Variants in SH3RF3 observed in about 807,000 individuals in gnomAD.
SH3RF3 encodes the protein SH3 domain containing ring finger 3, also known as E3 ubiquitin-protein ligase SH3RF3.
In SH3RF3, 29 loss-of-function variants were observed where a neutral mutation model predicts 66.3. The ratio of observed to expected loss-of-function variants is 0.44; its 90% confidence interval spans 0.33 to 0.60. The LOEUF is 0.60. SH3RF3 is among the 20% of genes least tolerant of loss of function. SH3RF3 has a pLI of 0.04. For missense variants in SH3RF3, 1,194 were observed against 1,190.9 expected, an observed-to-expected ratio of 1.00 and a Z score of -0.04; for synonymous variants, 583 against 532.0, an observed-to-expected ratio of 1.10 and a Z score of -1.32.
rs1000837461 is a variant in SH3RF3, at chr2:109,398,961, AG to A, written c.1299+21del. The A allele has an allele frequency of 1.3e-6, 2 of 1,599,068 alleles. No homozygotes were observed. The highest frequency in any genetic ancestry group is 2.7e-5 in the African/African-American group (2 of 74,620). Reference sequence around the variant, plus strand: ...CCACCCAGGTAACATCCCGCGGGCCAGGGCAGGCATCCCTGGGTTCTCTGGG... The same window carrying A: ...CCACCCAGGTAACATCCCGCGGGCCAGGCAGGCATCCCTGGGTTCTCTGGG... On this transcript the variant is annotated intron_variant, in intron 4 of 9. Transcript: ENST00000309415.
At chr2:109,301,490 A>C (rs912022094) in intron 1 of SH3RF3, among the ~76,000 whole-genome samples, 1 of 151,946 alleles carries the variant, frequency 6.6e-6, no homozygotes, top group Non-Finnish European at 1.5e-5. Flanking sequence ...GAGGATGGAG[A>C]GGGCAGTGCC....
At chr2:109,464,975 A>C (rs1678300788) in intron 8 of SH3RF3, among the ~76,000 whole-genome samples, 1 of 152,112 alleles carries the variant, frequency 6.6e-6, no homozygotes, top group East Asian at 1.9e-4. Flanking sequence ...CCTGTTGATC[A>C]CTCTTTCACA....
At chr2:109,336,569 T>G (rs1307654491) in intron 1 of SH3RF3, among the ~76,000 whole-genome samples, 1 of 152,234 alleles carries the variant, frequency 6.6e-6, no homozygotes, top group Non-Finnish European at 1.5e-5. Context: ...GGGAGGAGGA[T>G]GATGCCAGCC....
rs780594407 is a variant in SH3RF3, at chr2:109,424,739, G to A, written c.1403+5097G>A. ...CGATAAGTGATGTGTATGTTCTGAC[G>A]GCTCCACGGACCCACCGTTTCCCCC... On this transcript the variant is annotated intron_variant, in intron 5 of 9. Coordinates refer to ENST00000309415, the MANE Select transcript of SH3RF3 (RefSeq NM_001099289.3). Among the ~76,000 whole-genome samples, 73 of 152,202 alleles carry A rather than the reference G, an allele frequency of 4.8e-4. 1 individual carries two copies. Among genetic ancestry groups the A allele is most frequent in the Non-Finnish European group, 7.8e-4 (53 of 68,024 alleles).
At chr2:109,347,610 A>G in intron 1 of SH3RF3, 64 bp from the exon 2 acceptor site, 2 of 1,567,964 alleles carry the variant, frequency 1.3e-6, no homozygotes, top group South Asian at 1.2e-5. Context: ...CTGCCCCGGC[A>G]GATCCACTGT....
chr2:109,278,560 T>C (rs1334634878), intron 1 of SH3RF3, among the ~76,000 whole-genome samples: 1 of 152,228 alleles, frequency 6.6e-6, no homozygotes, highest in Non-Finnish European at 1.5e-5. Flanking sequence ...CCAATGTCAC[T>C]GCATAGCAAT....
intron 1 of SH3RF3, among the ~76,000 whole-genome samples, chr2:109,163,050 A>G (rs894264628): frequency 2.6e-5 from 4 of 152,208 alleles, no homozygotes; most frequent in African/African-American, 9.6e-5. Flanking sequence ...TAGCTGGGGC[A>G]CTGATCCCGC....
chr2:109,412,079 T>A (rs1676605042), intron 4 of SH3RF3, among the ~76,000 whole-genome samples: 1 of 152,140 alleles, frequency 6.6e-6, no homozygotes, highest in Admixed American at 6.5e-5. Context: ...CCGAGCCCTG[T>A]GGGTTGCTTT....
intron 1 of SH3RF3, among the ~76,000 whole-genome samples, chr2:109,247,797 T>C (rs1679952366): frequency 6.6e-6 from 1 of 152,232 alleles, no homozygotes; most frequent in African/African-American, 2.4e-5. Flanking sequence ...CTCACTGTTG[T>C]GTGTGTTGGC....
intron 5 of SH3RF3, among the ~76,000 whole-genome samples, chr2:109,428,303 G>A (rs1056894459): frequency 2.0e-5 from 3 of 152,274 alleles, no homozygotes; most frequent in African/African-American, 7.2e-5. Flanking sequence ...GGTTTACTCT[G>A]ATTAGAGCGG....
intron 1 of SH3RF3, among the ~76,000 whole-genome samples, chr2:109,332,627 G>A (rs775776123): frequency 6.6e-6 from 1 of 152,210 alleles, no homozygotes; most frequent in African/African-American, 2.4e-5. Flanking sequence ...AGCCAGGGCT[G>A]CCCCGTGGGT....
At chr2:109,464,071 C>G (rs1026909398) in intron 8 of SH3RF3, among the ~76,000 whole-genome samples, 9 of 152,174 alleles carry the variant, frequency 5.9e-5, no homozygotes, top group Non-Finnish European at 1.5e-5. Flanking sequence ...GTAGACCTGC[C>G]AGCCCCCACA....
At chr2:109,254,658 T>C (rs1270168370) in intron 1 of SH3RF3, among the ~76,000 whole-genome samples, 4 of 152,190 alleles carry the variant, frequency 2.6e-5, no homozygotes, top group Admixed American at 2.6e-4. Flanking sequence ...TGGGTTTCAC[T>C]TCCTGCTGTC....
chr2:109,415,634 A>G (rs529641319), intron 4 of SH3RF3, among the ~76,000 whole-genome samples: 41 of 152,154 alleles, frequency 2.7e-4, no homozygotes, highest in African/African-American at 9.4e-4. Context: ...CCTGTCCTCC[A>G]GGGACGCCGT....
intron 6 of SH3RF3, among the ~76,000 whole-genome samples, chr2:109,434,417 A>G (rs1234091864): frequency 6.6e-6 from 1 of 152,170 alleles, no homozygotes; most frequent in African/African-American, 2.4e-5. Context: ...AGACCTTCAG[A>G]GATGTAAAGC....
chr2:109,269,237 C>T (rs1216733634), intron 1 of SH3RF3, among the ~76,000 whole-genome samples: 6 of 152,102 alleles, frequency 3.9e-5, no homozygotes, highest in African/African-American at 1.4e-4. Context: ...AGCCAGATTC[C>T]CAAGTTCTCA....
At chr2:109,263,373 G>A (rs1486801208) in intron 1 of SH3RF3, among the ~76,000 whole-genome samples, 7 of 152,146 alleles carry the variant, frequency 4.6e-5, no homozygotes, top group Non-Finnish European at 7.3e-5. Context: ...TCTGGAATGT[G>A]TTTATTTTGT....
chr2:109,484,092 G>A (rs1424129373), intron 8 of SH3RF3, among the ~76,000 whole-genome samples: 9 of 138,842 alleles, frequency 6.5e-5, no homozygotes, highest in South Asian at 2.3e-4. Flanking sequence ...TTTTGAGACC[G>A]AGTCTCGCTC....
At chr2:109,356,458 G>A (rs779262540) in intron 2 of SH3RF3, among the ~76,000 whole-genome samples, 4 of 152,170 alleles carry the variant, frequency 2.6e-5, no homozygotes, top group Non-Finnish European at 5.9e-5. Context: ...CACGACACTC[G>A]ACATGCTTGG....
Sources: allele counts gnomAD v4.1 joint callset (sites outside exome capture counted in the v4.1 genomes callset), GRCh38; gene constraint gnomAD v4.1.1; transcripts MANE v1.5; gene names NCBI Gene and HGNC (gene_info 2026-07-23, HGNC 2026-07-21).